Variants in FOCAD observed in about 807,000 individuals in gnomAD.
The protein encoded by FOCAD is KIAA1797.
A neutral mutation model predicts 225.6 loss-of-function variants in FOCAD; 198 were observed. The ratio of observed to expected loss-of-function variants is 0.88; its 90% CI spans 0.78 to 0.99. FOCAD has a LOEUF of 0.99. Ranked by LOEUF, FOCAD falls within the 50% of genes least tolerant of loss-of-function variation. The pLI is 0.00. For missense variants in FOCAD, 2,713 were observed against 2,123.6 expected, an observed-to-expected ratio of 1.28 and a Z score of -5.46; for synonymous variants, 897 against 755.0, an observed-to-expected ratio of 1.19 and a Z score of -3.08.
chr9:20,866,917 T>TTTAACCAAAAAAGG lies in FOCAD; in HGVS notation c.2107-12_2107-11insTTAACCAAAAAAGG. The TTTAACCAAAAAAGG allele has an allele frequency of 1.3e-6, 1 of 764,972 alleles. No homozygotes were observed. Among genetic ancestry groups the TTTAACCAAAAAAGG allele is most frequent in the Non-Finnish European group, 2.0e-6 (1 of 498,468 alleles). 47.4% of individuals were successfully genotyped at this position (764,972 alleles called of 1,614,324 possible). On this transcript the variant is annotated splice_polypyrimidine_tract_variant and intron_variant, in intron 17 of 43. Coordinates refer to ENST00000338382, the MANE Select transcript of FOCAD (RefSeq NM_001375567.1). ...TTTTTTTTTTTTTTTTTTTTTTTTTTACCCTATCTAGGACCCAATTGTAGC... is the reference window on the plus strand; with the variant it reads ...TTTTTTTTTTTTTTTTTTTTTTTTTTTTAACCAAAAAAGGACCCTATCTAGGACCCAATTGTAGC...
intron 2 of FOCAD, among the ~76,000 whole-genome samples, chr9:20,673,648 G>A (rs1277935724): frequency 1.3e-5 from 2 of 152,112 alleles, no homozygotes; most frequent in Non-Finnish European, 2.9e-5. Context: ...AGGCTGGAGT[G>A]CAGTGGCGTG....
At chr9:20,981,721 T>C (rs1840717505) in intron 38 of FOCAD, 35 bp downstream of exon 38, 1 of 1,582,072 alleles carries the variant, frequency 6.3e-7, no homozygotes, top group African/African-American at 1.4e-5. Flanking sequence ...CCTGACAATT[T>C]ATGTTTGGGA....
intron 15 of FOCAD, among the ~76,000 whole-genome samples, chr9:20,827,423 A>G (rs1162784466): frequency 6.6e-6 from 1 of 152,224 alleles, no homozygotes; most frequent in East Asian, 1.9e-4. Flanking sequence ...GCTCTACCAC[A>G]TTTTATTTAT....
intron 1 of FOCAD, among the ~76,000 whole-genome samples, chr9:20,714,647 C>CCTTT (rs1825172876): frequency 7.3e-6 from 1 of 137,768 alleles, no homozygotes; most frequent in Admixed American, 7.1e-5. Context: ...TTCCTTCCTT[C>CCTTT]CTTCCTTCCT....
At chr9:20,949,763 C>A (rs1249194801) in intron 33 of FOCAD, 88 bp downstream of exon 33, 1 of 1,142,244 alleles carries the variant, frequency 8.8e-7, no homozygotes, top group Non-Finnish European at 1.3e-6. Context: ...CATGTTTTAC[C>A]TGGAAAATGG....
chr9:20,854,721 A>G (rs553496359), intron 15 of FOCAD, among the ~76,000 whole-genome samples: 2 of 151,906 alleles, frequency 1.3e-5, no homozygotes, highest in East Asian at 3.9e-4. Context: ...TGAATTCTTC[A>G]GTATCTTATA....
intron 1 of FOCAD, among the ~76,000 whole-genome samples, chr9:20,692,973 A>G (rs767325767): frequency 3.9e-5 from 6 of 152,144 alleles, no homozygotes; most frequent in East Asian, 1.9e-4. Context: ...GATTGCTTCT[A>G]TCTTTCCCCT....
At chr9:20,664,111 T>G (rs1255096744) in intron 2 of FOCAD, among the ~76,000 whole-genome samples, 1 of 152,048 alleles carries the variant, frequency 6.6e-6, no homozygotes, top group Non-Finnish European at 1.5e-5. Context: ...ATTAACTCTG[T>G]TTTCTCCTCA....
intron 15 of FOCAD, among the ~76,000 whole-genome samples, chr9:20,844,383 CAG>C (rs1283936398): frequency 3.6e-5 from 3 of 82,636 alleles, no homozygotes; most frequent in Non-Finnish European, 6.6e-5. Context: ...TTTGTTGAGA[CAG>C]AGTCTCACTG....
intron 15 of FOCAD, among the ~76,000 whole-genome samples, chr9:20,857,069 C>G (rs553361119): frequency 2.6e-5 from 4 of 151,942 alleles, no homozygotes; most frequent in African/African-American, 9.6e-5. Flanking sequence ...TTTCCTTATA[C>G]TGGGTCTTTA....
At chr9:20,850,207 A>G (rs867757977) in intron 15 of FOCAD, among the ~76,000 whole-genome samples, 2 of 151,790 alleles carry the variant, frequency 1.3e-5, no homozygotes, top group Non-Finnish European at 2.9e-5. Flanking sequence ...GAGGTGACCA[A>G]TAGCAGACTC....
intron 29 of FOCAD, among the ~76,000 whole-genome samples, chr9:20,945,150 C>T (rs537468799): frequency 6.6e-6 from 1 of 152,298 alleles, no homozygotes; most frequent in South Asian, 2.1e-4. Flanking sequence ...AACTGCTGAT[C>T]AAAAGGCGTT....
At chr9:20,964,375 C>T (rs1466187109) in intron 35 of FOCAD, among the ~76,000 whole-genome samples, 1 of 151,960 alleles carries the variant, frequency 6.6e-6, no homozygotes, top group Non-Finnish European at 1.5e-5. Flanking sequence ...GCCTGGGTGA[C>T]AGAGTAAGAC....
chr9:20,899,603 C>T (rs920380813), intron 21 of FOCAD, among the ~76,000 whole-genome samples: 2 of 151,912 alleles, frequency 1.3e-5, no homozygotes, highest in Admixed American at 6.6e-5. Context: ...TCCTTACAGG[C>T]TGGACTAGAA....
intron 3 of FOCAD, among the ~76,000 whole-genome samples, chr9:20,719,124 C>T (rs937400591): frequency 2.0e-5 from 3 of 152,062 alleles, no homozygotes; most frequent in African/African-American, 7.2e-5. Context: ...CTCTGTCGCC[C>T]AGCCTGGAGT....
chr9:20,906,850 C>T (rs1166916724), intron 21 of FOCAD, among the ~76,000 whole-genome samples: 1 of 152,008 alleles, frequency 6.6e-6, no homozygotes, highest in Non-Finnish European at 1.5e-5. Context: ...CAGAGTTTCC[C>T]CCTAATTTTC....
intron 8 of FOCAD, among the ~76,000 whole-genome samples, chr9:20,775,106 TC>T (rs1818624626): frequency 6.6e-6 from 1 of 152,250 alleles, no homozygotes; most frequent in Non-Finnish European, 1.5e-5. Context: ...ATTCACTTTT[TC>T]CTACTCTGTT....
intron 11 of FOCAD, among the ~76,000 whole-genome samples, chr9:20,811,490 C>G (rs1266258261): frequency 1.3e-5 from 2 of 151,968 alleles, no homozygotes; most frequent in Non-Finnish European, 2.9e-5. Flanking sequence ...CTGGTTGGGA[C>G]CTTTGCTAGT....
At chr9:20,829,968 C>T (rs972848789) in intron 15 of FOCAD, among the ~76,000 whole-genome samples, 2 of 151,930 alleles carry the variant, frequency 1.3e-5, no homozygotes, top group Middle Eastern at 3.2e-3. Flanking sequence ...AAGAAAACCC[C>T]AATTGTGACA....
Sources: allele counts gnomAD v4.1 joint callset (sites outside exome capture counted in the v4.1 genomes callset), GRCh38; gene constraint gnomAD v4.1.1; transcripts MANE v1.5; gene names NCBI Gene and HGNC (gene_info 2026-07-23, HGNC 2026-07-21).